The following TTC17 variants were observed in gnomAD, a reference collection of about 807,000 sequenced individuals.
TTC17 encodes tetratricopeptide repeat domain 17.
TTC17 carries 58 observed loss-of-function variants against 143.8 expected under a neutral mutation model. The ratio of observed to expected loss-of-function variants is 0.40; its 90% CI spans 0.33 to 0.50. TTC17 has a LOEUF of 0.50. Ranked by LOEUF, TTC17 falls within the 20% of genes least tolerant of loss-of-function variation. TTC17 has a pLI of 0.49. For synonymous variants in TTC17, 501 were observed against 497.8 expected, an observed-to-expected ratio of 1.01 and a Z score of -0.09; for missense variants, 1,273 against 1,392.5, an observed-to-expected ratio of 0.91 and a Z score of 1.37.
chr11:43,466,674 T>G (rs989711488), intron 21 of TTC17: 1 of 368,314 alleles, frequency 2.7e-6, no homozygotes, highest in African/African-American at 2.1e-5. Flanking sequence ...TCTTGGCATC[T>G]TGTCCATGGC....
At chr11:43,400,910 GATAAGT>G (rs1417148561) in intron 9 of TTC17, among the ~76,000 whole-genome samples, 1 of 152,122 alleles carries the variant, frequency 6.6e-6, no homozygotes, top group Non-Finnish European at 1.5e-5. Flanking sequence ...CTTCTCCCTT[GATAAGT>G]ATGTTGGTCA....
chr11:43,445,294 T>C (rs993658883), intron 18 of TTC17, among the ~76,000 whole-genome samples: 5 of 152,194 alleles, frequency 3.3e-5, no homozygotes, highest in Admixed American at 6.5e-5. Flanking sequence ...TGTTTTTCTT[T>C]CTTAAATCCT....
chr11:43,492,832 G>A (rs1303697020), intron 23 of TTC17, among the ~76,000 whole-genome samples: 1 of 152,152 alleles, frequency 6.6e-6, no homozygotes, highest in African/African-American at 2.4e-5. Context: ...AAAATCCCAG[G>A]GGGACCCCCT....
chr11:43,392,032 A>C lies in TTC17; in HGVS notation c.663+80A>C, dbSNP rs948582589. ...AACAGAAGATATTTTTATCTTGGAA[A>C]ATACCTGACTAATTTGTTTTTATCT... On this transcript the variant is annotated intron_variant, in intron 5 of 23. Coordinates refer to ENST00000039989, the MANE Select transcript of TTC17 (RefSeq NM_018259.6). 7.5e-6 allele frequency: 11 copies of C among 1,472,222 alleles called. No homozygotes were observed. In the East Asian group the frequency reaches 2.7e-4, roughly 36 times the overall value. 91.2% of individuals were successfully genotyped at this position (1,472,222 alleles called of 1,614,324 possible). A position where few individuals can be genotyped will look rare whatever the true frequency, so the allele number is the denominator to read the frequency against.
chr11:43,449,885 T>C, intron 19 of TTC17, 197 bp from the exon 20 acceptor site: 1 of 598,712 alleles, frequency 1.7e-6, no homozygotes, highest in Non-Finnish European at 2.8e-6. Flanking sequence ...TAGTTGTGGG[T>C]ATTTATCACC....
intron 1 of TTC17, among the ~76,000 whole-genome samples, chr11:43,368,763 A>G (rs1210478044): frequency 3.9e-5 from 6 of 152,222 alleles, no homozygotes; most frequent in Admixed American, 3.9e-4. Flanking sequence ...GTAGTTTCCC[A>G]TCATACTTAG....
intron 1 of TTC17, among the ~76,000 whole-genome samples, chr11:43,370,558 A>G (rs980356548): frequency 6.6e-6 from 1 of 152,268 alleles, no homozygotes; most frequent in Non-Finnish European, 1.5e-5. Context: ...GGAAAAAAAA[A>G]AAAAGATAAA....
intron 16 of TTC17, among the ~76,000 whole-genome samples, chr11:43,425,219 T>C (rs1565159190): frequency 6.6e-6 from 1 of 152,154 alleles, no homozygotes; most frequent in Non-Finnish European, 1.5e-5. Flanking sequence ...CTTAGAAAGC[T>C]GAGGTGGGAG....
chr11:43,470,264 A>G (rs145127975), intron 21 of TTC17, among the ~76,000 whole-genome samples: 2 of 152,334 alleles, frequency 1.3e-5, no homozygotes, highest in East Asian at 3.9e-4. Flanking sequence ...GCCCTCACAT[A>G]GTTCGCACCT....
chr11:43,382,308 A>G (rs1028996842), intron 2 of TTC17, among the ~76,000 whole-genome samples: 1 of 152,242 alleles, frequency 6.6e-6, no homozygotes, highest in Non-Finnish European at 1.5e-5. Flanking sequence ...GAAGAAAAGT[A>G]AACCTAGTGG....
intron 16 of TTC17, 64 bp downstream of exon 16, chr11:43,414,840 G>A: frequency 1.3e-6 from 2 of 1,514,210 alleles, no homozygotes; most frequent in Non-Finnish European, 1.8e-6. Context: ...CTGATCAAAA[G>A]AACACAGAAA....
intron 1 of TTC17, among the ~76,000 whole-genome samples, chr11:43,375,053 G>A (rs941611485): frequency 1.1e-4 from 17 of 152,168 alleles, no homozygotes; most frequent in Non-Finnish European, 2.9e-5. Context: ...AAATTGTAAG[G>A]GCTGCAGATA....
At chr11:43,490,122 C>T in intron 21 of TTC17, 117 bp from the exon 22 acceptor site, 2 of 1,390,284 alleles carry the variant, frequency 1.4e-6, no homozygotes, top group Non-Finnish European at 9.7e-7. Flanking sequence ...GAGCAGAGTG[C>T]CAGCACTTAG....
At chr11:43,447,815 G>T in intron 18 of TTC17, 187 bp from the exon 19 acceptor site, 1 of 596,136 alleles carries the variant, frequency 1.7e-6, no homozygotes, top group Admixed American at 3.4e-5. Context: ...ACTCAGAGAT[G>T]ATCTTTAGTT....
intron 21 of TTC17, among the ~76,000 whole-genome samples, chr11:43,458,270 G>A (rs527535659): frequency 1.3e-5 from 2 of 152,214 alleles, no homozygotes; most frequent in Admixed American, 6.5e-5. Context: ...GAGCTGTCCA[G>A]GCTCCATCTC....
chr11:43,386,224 T>A (rs1462780342), intron 2 of TTC17, among the ~76,000 whole-genome samples: 2 of 152,072 alleles, frequency 1.3e-5, no homozygotes, highest in Admixed American at 1.3e-4. Flanking sequence ...AAAGTGAAAC[T>A]TTTTACTAAA....
Position 43,391,976 on chromosome 11 carries a change from G to T in TTC17, c.663+24G>T, listed in dbSNP as rs764460264. 3 of 1,582,262 alleles carry T rather than the reference G, an allele frequency of 1.9e-6. No homozygotes were observed. The Admixed American group carries it at 5.9e-5, about 31-fold the overall frequency. The stretch of plus-strand genomic sequence containing the variant: ...AGGTAAGTCATCAGTCACTTAAAGA[G>T]CCAGCGGGCTGAGCCAGCGGGCTCT... On this transcript the variant is annotated intron_variant, in intron 5 of 23. Coordinates refer to ENST00000039989, the MANE Select transcript of TTC17 (RefSeq NM_018259.6).
intron 5 of TTC17, among the ~76,000 whole-genome samples, chr11:43,392,211 C>T (rs547039201): frequency 6.6e-6 from 1 of 152,254 alleles, no homozygotes; most frequent in Admixed American, 6.5e-5. Context: ...ACATAAGCAA[C>T]AGCGTTTATA....
rs374944755 is a variant in TTC17, at chr11:43,451,286, G to A, written c.3030+21G>A. Reference sequence around the variant, plus strand: ...AAAAGGTAAGTCACCCCACAGAAAAGCTGGAAACAATTGCCCTCCTTCTAA... The same window carrying A: ...AAAAGGTAAGTCACCCCACAGAAAAACTGGAAACAATTGCCCTCCTTCTAA... On this transcript the variant is annotated intron_variant, in intron 21 of 23. Coordinates refer to ENST00000039989, the MANE Select transcript of TTC17 (RefSeq NM_018259.6). 78 of 1,609,352 alleles carry A rather than the reference G, an allele frequency of 4.8e-5. No homozygotes were observed. The African/African-American group carries it at 8.8e-4, about 18-fold the overall frequency.
Sources: allele counts gnomAD v4.1 joint callset (sites outside exome capture counted in the v4.1 genomes callset), GRCh38; gene constraint gnomAD v4.1.1; transcripts MANE v1.5; gene names NCBI Gene and HGNC (gene_info 2026-07-23, HGNC 2026-07-21).